The following TBXAS1 variants were observed in gnomAD, a reference collection of about 807,000 sequenced individuals.
The protein encoded by TBXAS1 is thromboxane A synthase 1, also known as thromboxane-A synthase.
Under a neutral mutation model 60.7 loss-of-function variants are expected in TBXAS1, and 48 were observed. That is an observed-to-expected ratio of 0.79 (90% CI 0.63 to 1.01). The LOEUF is 1.01. TBXAS1 is among the 50% of genes least tolerant of loss of function. The pLI is 0.00. For synonymous variants in TBXAS1, 287 were observed against 269.7 expected (o/e 1.06, Z -0.63); for missense variants, 685 against 686.3 (o/e 1.00, Z 0.02).
At chr7:139,934,857 G>A (rs1807619272) in intron 4 of TBXAS1, among the ~76,000 whole-genome samples, 1 of 152,046 alleles carries the variant, frequency 6.6e-6, no homozygotes, top group South Asian at 2.1e-4. Context: ...CTGTTGCCTA[G>A]GCTGGAGTGC....
At chr7:139,920,466 G>A (rs1806373583) in intron 4 of TBXAS1, among the ~76,000 whole-genome samples, 1 of 152,154 alleles carries the variant, frequency 6.6e-6, no homozygotes, top group African/African-American at 2.4e-5. Context: ...GACCACAAAT[G>A]TCACCCTTTG....
intron 3 of TBXAS1, among the ~76,000 whole-genome samples, chr7:139,909,591 G>T (rs1373977022): frequency 1.3e-5 from 2 of 152,130 alleles, no homozygotes; most frequent in Non-Finnish European, 2.9e-5. Context: ...GATGACTCAG[G>T]TAAATGTTTT....
chr7:139,854,515 A>T (rs999943061), intron 1 of TBXAS1, among the ~76,000 whole-genome samples: 5 of 152,126 alleles, frequency 3.3e-5, no homozygotes, highest in African/African-American at 1.2e-4. Flanking sequence ...TGATTGGAGG[A>T]TGATAGGAGA....
intron 10 of TBXAS1, among the ~76,000 whole-genome samples, chr7:140,008,801 C>G (rs1023226111): frequency 6.6e-6 from 1 of 152,136 alleles, no homozygotes; most frequent in African/African-American, 2.4e-5. Context: ...TTGTGGGAAG[C>G]TGGTGTACAT....
At chr7:140,010,012 C>T (rs1340654554) in intron 10 of TBXAS1, among the ~76,000 whole-genome samples, 3 of 140,586 alleles carry the variant, frequency 2.1e-5, no homozygotes, top group Admixed American at 7.1e-5. Context: ...CGCTTCACAC[C>T]CGCTCCACAC....
At chr7:139,837,279 C>G (rs1170594712) in intron 1 of TBXAS1, among the ~76,000 whole-genome samples, 1 of 152,160 alleles carries the variant, frequency 6.6e-6, no homozygotes, top group Non-Finnish European at 1.5e-5. Context: ...AGTAGAACTA[C>G]CTACCATTTG....
Position 139,847,811 on chromosome 7 carries a change from T to C in TBXAS1, c.89+18332T>C, listed in dbSNP as rs975959243. 1.6e-4 allele frequency among the ~76,000 whole-genome samples: 25 copies of C among 152,186 alleles called. 1 individual carries two copies. Among genetic ancestry groups the C allele is most frequent in the African/African-American group, 4.6e-4 (19 of 41,446 alleles). ...CTTCTCTTTCTTTGGCACTTTGCAATATTTGTTGTTTGTTTGTTTGTTTGT... is the reference window on the plus strand; with the variant it reads ...CTTCTCTTTCTTTGGCACTTTGCAACATTTGTTGTTTGTTTGTTTGTTTGT... On this transcript the variant is annotated intron_variant, in intron 1 of 12. Transcript: ENST00000448866.
chr7:139,831,175 G>A (rs1358316178), intron 1 of TBXAS1, among the ~76,000 whole-genome samples: 1 of 152,148 alleles, frequency 6.6e-6, no homozygotes, highest in Non-Finnish European at 1.5e-5. Flanking sequence ...TCTGGAGAAG[G>A]TGCCCAAGGC....
intron 9 of TBXAS1, among the ~76,000 whole-genome samples, chr7:139,995,126 A>G (rs1382898929): frequency 1.3e-5 from 2 of 152,146 alleles, no homozygotes; most frequent in East Asian, 1.9e-4. Flanking sequence ...CTCGTATTCT[A>G]TAGTCAGCTG....
chr7:139,949,935 G>A (rs2117285386), intron 5 of TBXAS1, among the ~76,000 whole-genome samples: 1 of 152,256 alleles, frequency 6.6e-6, no homozygotes, highest in East Asian at 1.9e-4. Flanking sequence ...TCTGCACCAG[G>A]GCCTGCCTAC....
chr7:139,963,311 A>G (rs1340480137), intron 9 of TBXAS1, among the ~76,000 whole-genome samples: 2 of 152,152 alleles, frequency 1.3e-5, no homozygotes, highest in African/African-American at 4.8e-5. Flanking sequence ...ATTTATCCTT[A>G]TTACTGTTCA....
intron 1 of TBXAS1, among the ~76,000 whole-genome samples, chr7:139,864,378 G>C (rs1221932807): frequency 6.6e-6 from 1 of 152,020 alleles, no homozygotes; most frequent in Non-Finnish European, 1.5e-5. Flanking sequence ...TCAACAGAGA[G>C]ATACAACACA....
Position 139,872,289 on chromosome 7 carries a change from G to A in TBXAS1, c.144G>A (p.Lys48=). 6.2e-7 allele frequency: 1 copy of A among 1,614,084 alleles called. No homozygotes were observed. Among genetic ancestry groups the A allele is most frequent in the Non-Finnish European group, 8.5e-7 (1 of 1,179,962 alleles). ...RLEKLGLRHP[K]PSPFIGNLTF... is the part of the protein sequence containing the mutation. ...AGAAGTTAGGCCTCAGACATCCCAA[G>A]CCTTCTCCTTTCATTGGAAACTTGA... Residue 48 remains lysine, a synonymous_variant, in exon 2 of 13, where the codon AAG becomes AAA. Coordinates refer to ENST00000448866, the MANE Select transcript of TBXAS1 (RefSeq NM_001061.7).
At position 139,835,067 on chromosome 7, in the gene TBXAS1, T is replaced by A. The variant is rs1018817118; in HGVS notation, c.89+5588T>A. ...TGATGAACATAGATACTAAAATTCT[T>A]TTTTTTTTTTTTTTTCTGAGACAGA... is the stretch of plus-strand genomic sequence containing the variant. On this transcript the variant is annotated intron_variant, in intron 1 of 12. Transcript: ENST00000448866. Among the ~76,000 whole-genome samples the A allele has an allele frequency of 1.4e-3, 25 of 17,976 alleles. No individual in the cohort carries two copies. The African/African-American group carries it at 0.042, about 30-fold the overall frequency. 11.8% of individuals were successfully genotyped at this position (17,976 alleles called of 152,430 possible).
At chr7:139,932,432 A>G (rs1433145629) in intron 4 of TBXAS1, among the ~76,000 whole-genome samples, 1 of 152,066 alleles carries the variant, frequency 6.6e-6, no homozygotes, top group Non-Finnish European at 1.5e-5. Context: ...AGGTTATCTT[A>G]TCTGAATAAT....
At chr7:139,910,883 A>G (rs1444752163) in intron 3 of TBXAS1, among the ~76,000 whole-genome samples, 5 of 152,160 alleles carry the variant, frequency 3.3e-5, no homozygotes, top group Non-Finnish European at 7.3e-5. Flanking sequence ...TTGTCTTACT[A>G]CTGGATCTTA....
chr7:139,917,224 AAC>A (rs1806063304), intron 4 of TBXAS1, among the ~76,000 whole-genome samples: 1 of 152,180 alleles, frequency 6.6e-6, no homozygotes, highest in Admixed American at 6.5e-5. Flanking sequence ...TGAAACCAGA[AAC>A]ACAGGTGTGC....
intron 9 of TBXAS1, among the ~76,000 whole-genome samples, chr7:139,992,184 T>G (rs1215388642): frequency 6.6e-6 from 1 of 152,138 alleles, no homozygotes; most frequent in Non-Finnish European, 1.5e-5. Flanking sequence ...TGCTCACAAC[T>G]AGCAGGCCAG....
At chr7:139,862,525 A>C (rs915543354) in intron 1 of TBXAS1, among the ~76,000 whole-genome samples, 3 of 152,176 alleles carry the variant, frequency 2.0e-5, no homozygotes, top group Admixed American at 6.5e-5. Flanking sequence ...GAAGGGGAGG[A>C]AGCCATCTAG....
Sources: gnomAD v4.1 joint callset for allele counts (sites outside exome capture counted in the v4.1 genomes callset) on GRCh38, gnomAD v4.1.1 for gene constraint, MANE v1.5 for transcripts, NCBI Gene and HGNC (gene_info 2026-07-23, HGNC 2026-07-21) for gene names.